The following SAMD3 variants were observed in gnomAD, a reference collection of about 807,000 sequenced individuals.
SAMD3 encodes the protein sterile alpha motif domain containing 3.
In SAMD3, 63 loss-of-function variants were observed where a neutral mutation model predicts 58.5. The observed-to-expected ratio is 1.08, with a 90% CI of 0.88 to 1.33. The LOEUF (loss-of-function observed/expected upper bound fraction) is 1.33, where lower values mean the gene tolerates loss of function less well. Ranked by LOEUF, SAMD3 falls within the 40% of genes most tolerant of loss-of-function variation. The pLI is 0.00. For missense variants in SAMD3, 604 were observed against 608.4 expected (o/e 0.99, Z 0.08); for synonymous variants, 220 against 210.3 (o/e 1.05, Z -0.40).
At chr6:130,258,146 A>G (rs922446200) in intron 2 of SAMD3, among the ~76,000 whole-genome samples, 3 of 152,156 alleles carry the variant, frequency 2.0e-5, no homozygotes, top group African/African-American at 4.8e-5. Flanking sequence ...GCTGTTTTGA[A>G]CATTCTTGTA....
chr6:130,173,181 T>C (rs1159913149), intron 8 of SAMD3, among the ~76,000 whole-genome samples: 3 of 152,196 alleles, frequency 2.0e-5, no homozygotes, highest in African/African-American at 7.2e-5. Flanking sequence ...TTACCCACCT[T>C]CTGAAGCCGT....
intron 2 of SAMD3, among the ~76,000 whole-genome samples, chr6:130,274,071 T>C (rs1048079955): frequency 3.9e-5 from 6 of 152,228 alleles, no homozygotes; most frequent in Non-Finnish European, 1.5e-5. Flanking sequence ...ATAAAGCAGT[T>C]CTGATAATAA....
chr6:130,225,653 C>G (rs1469570432), upstream of SAMD3, among the ~76,000 whole-genome samples: 3 of 152,134 alleles, frequency 2.0e-5, no homozygotes, highest in Non-Finnish European at 4.4e-5. Context: ...CTCACTTCTA[C>G]CATTCTTTGA....
chr6:130,216,991 C>G (rs145433779), intron 1 of SAMD3, among the ~76,000 whole-genome samples: 1 of 151,964 alleles, frequency 6.6e-6, no homozygotes, highest in East Asian at 1.9e-4. Context: ...TTGTAGTCAT[C>G]GATGGATAAA....
chr6:130,184,266 C>A, intron 6 of SAMD3, 79 bp from the exon 7 acceptor site: 1 of 1,267,096 alleles, frequency 7.9e-7, no homozygotes, highest in Non-Finnish European at 1.1e-6. Context: ...TAATTACACT[C>A]ATTTTTCTTC....
chr6:130,216,564 T>C lies in SAMD3; in HGVS notation c.-22+7A>G, dbSNP rs1796015321. 7 of 152,286 alleles carry C rather than the reference T, an allele frequency of 4.6e-5. No homozygotes were observed. In the South Asian group the frequency reaches 1.4e-3, roughly 32 times the overall value. 9.4% of individuals were successfully genotyped at this position (152,286 alleles called of 1,614,324 possible). A position where few individuals can be genotyped will look rare whatever the true frequency, so the allele number is the denominator to read the frequency against. On this transcript the variant is annotated splice_region_variant and intron_variant, in intron 2 of 11. Transcript: ENST00000439090. ...TTAGAATAGTGGAAAAGGGGAAACA[T>C]GTTTACCTTGCATATGTGACAAGCT...
Position 130,204,201 on chromosome 6 carries a change from T to G in SAMD3, c.383+5294A>C, listed in dbSNP as rs554130436. On this transcript the variant is annotated intron_variant, in intron 5 of 11. Transcript: ENST00000439090. ...CCTTTAAAGTAACATTTAGGAAGCC[T>G]CTACCTGTTTATCTACTTTCATGCC... is the stretch of plus-strand genomic sequence containing the variant. Among the ~76,000 whole-genome samples the G allele has an allele frequency of 2.0e-5, 3 of 152,304 alleles. No individual in the cohort carries two copies. In the South Asian group the frequency reaches 6.2e-4, roughly 32 times the overall value.
intron 1 of SAMD3, among the ~76,000 whole-genome samples, chr6:130,332,524 G>A (rs759325789): frequency 6.6e-6 from 1 of 152,160 alleles, no homozygotes; most frequent in Non-Finnish European, 1.5e-5. Flanking sequence ...CACAGAAGTG[G>A]AGTATTTTAG....
At position 130,359,305 on chromosome 6, in the gene SAMD3, T is replaced by C. The variant is rs149952344; in HGVS notation, c.-304+5815A>G. On this transcript the variant is annotated intron_variant, in intron 1 of 13. Coordinates refer to the SAMD3 transcript ENST00000368134. ...TTGTTTGAGTACACAGAACAAATTC[T>C]TAATCTGGAATGCAAAGCCCACTGT... Among the ~76,000 whole-genome samples the C allele has an allele frequency of 2.6e-5, 4 of 152,330 alleles. No homozygotes were observed. The East Asian group carries it at 7.7e-4, about 29-fold the overall frequency.
chr6:130,318,195 A>G (rs945085351), intron 1 of SAMD3, among the ~76,000 whole-genome samples: 4 of 152,170 alleles, frequency 2.6e-5, no homozygotes, highest in African/African-American at 9.7e-5. Context: ...TGGGCATTTG[A>G]GTAGAGTACT....
intron 4 of SAMD3, among the ~76,000 whole-genome samples, chr6:130,210,216 C>G (rs924499730): frequency 2.0e-5 from 3 of 152,172 alleles, no homozygotes; most frequent in Non-Finnish European, 4.4e-5. Context: ...TGCAAATATG[C>G]CTAACTATTT....
intron 7 of SAMD3, among the ~76,000 whole-genome samples, chr6:130,180,825 C>T (rs187588806): frequency 6.6e-6 from 1 of 152,180 alleles, no homozygotes; most frequent in Admixed American, 6.5e-5. Context: ...ATTATCCAGC[C>T]CCAAAGGTAA....
chr6:130,282,016 C>T (rs1774997898), intron 2 of SAMD3, among the ~76,000 whole-genome samples: 1 of 152,160 alleles, frequency 6.6e-6, no homozygotes, highest in Non-Finnish European at 1.5e-5. Flanking sequence ...GAACAGATAT[C>T]CTCTGCCTCT....
chr6:130,191,743 AG>A (rs1163500053), intron 5 of SAMD3, among the ~76,000 whole-genome samples: 1 of 152,076 alleles, frequency 6.6e-6, no homozygotes, highest in Non-Finnish European at 1.5e-5. Flanking sequence ...CAAATAAAAC[AG>A]GTGATAGGAT....
intron 1 of SAMD3, among the ~76,000 whole-genome samples, chr6:130,333,874 G>A (rs1777019514): frequency 6.6e-6 from 1 of 152,144 alleles, no homozygotes; most frequent in Admixed American, 6.5e-5. Flanking sequence ...CTTTTCTAAG[G>A]CTGCAGACTC....
At chr6:130,210,934 T>C (rs1795490379) in intron 4 of SAMD3, among the ~76,000 whole-genome samples, 2 of 151,878 alleles carry the variant, frequency 1.3e-5, no homozygotes, top group Admixed American at 1.3e-4. Flanking sequence ...TCCTGGCTAA[T>C]ATGATGAAAC....
At chr6:130,199,391 T>C (rs915291366) in intron 5 of SAMD3, among the ~76,000 whole-genome samples, 1 of 152,216 alleles carries the variant, frequency 6.6e-6, no homozygotes, top group African/African-American at 2.4e-5. Context: ...TGGCATGTGA[T>C]CTCTGCAACA....
At chr6:130,269,501 A>G (rs1774481917) in intron 2 of SAMD3, among the ~76,000 whole-genome samples, 1 of 152,034 alleles carries the variant, frequency 6.6e-6, no homozygotes, top group Non-Finnish European at 1.5e-5. Context: ...TTACGAACAT[A>G]AAGTTGTTTG....
At chr6:130,185,931 T>C (rs1792920221) in intron 5 of SAMD3, among the ~76,000 whole-genome samples, 1 of 152,140 alleles carries the variant, frequency 6.6e-6, no homozygotes, top group Non-Finnish European at 1.5e-5. Flanking sequence ...ACAGCTAGCC[T>C]CTTGTTCACT....
Sources: allele counts gnomAD v4.1 joint callset (sites outside exome capture counted in the v4.1 genomes callset), GRCh38; gene constraint gnomAD v4.1.1; transcripts MANE v1.5; gene names NCBI Gene and HGNC (gene_info 2026-07-23, HGNC 2026-07-21).